Variants in DIXDC1 observed in about 807,000 individuals in gnomAD.
DIXDC1 encodes dixin.
Under a neutral mutation model 103.1 loss-of-function variants are expected in DIXDC1, and 64 were observed. That is an observed-to-expected ratio of 0.62 (90% confidence interval 0.51 to 0.76). The LOEUF is 0.76. DIXDC1 is among the 30% of genes least tolerant of loss of function. The pLI, the probability that DIXDC1 is intolerant of heterozygous loss-of-function variation, is 0.00. For missense variants in DIXDC1, 759 were observed against 834.2 expected (o/e 0.91, Z 1.11); for synonymous variants, 266 against 298.5 (o/e 0.89, Z 1.12).
intron 5 of DIXDC1, chr11:111,975,330 G>C (rs1485725524): frequency 8.9e-7 from 1 of 1,122,248 alleles, no homozygotes; most frequent in Admixed American, 4.1e-5. Context: ...GTTCCATTGT[G>C]CTGTCCTTGA....
Position 111,971,816 on chromosome 11 carries a change from G to A in DIXDC1, c.317-2207G>A, listed in dbSNP as rs188118929. On this transcript the variant is annotated intron_variant, in intron 3 of 19. Transcript: ENST00000440460. ...AAAAAAAAAATTCATGTCCTTTGCT[G>A]CAACATGGATGCAGCTGGAGACCAT... Among the ~76,000 whole-genome samples the A allele has an allele frequency of 5.5e-3, 838 of 152,110 alleles. 3 individuals are homozygous for A. Among genetic ancestry groups the A allele is most frequent in the Non-Finnish European group, 7.8e-3 (532 of 68,004 alleles).
chr11:111,991,407 T>A (rs587696171), intron 10 of DIXDC1, among the ~76,000 whole-genome samples: 1 of 152,366 alleles, frequency 6.6e-6, no homozygotes, highest in South Asian at 2.1e-4. Context: ...GAAATATTCC[T>A]TTGAACTACT....
chr11:111,970,639 G>A (rs1555171972), intron 3 of DIXDC1, among the ~76,000 whole-genome samples: 1 of 148,908 alleles, frequency 6.7e-6, no homozygotes, highest in Admixed American at 6.7e-5. Flanking sequence ...TCCAGCCTGG[G>A]CAACAGAGCG....
upstream of DIXDC1, chr11:111,937,141 G>GGGGTT: frequency 1.7e-5 from 13 of 751,962 alleles, no homozygotes; most frequent in Non-Finnish European, 1.9e-5. Flanking sequence ...CGGGGGGGGG[G>GGGGTT]TGTGCGCGTG....
chr11:111,997,297 C>T (rs1555175482), intron 17 of DIXDC1, among the ~76,000 whole-genome samples: 1 of 152,098 alleles, frequency 6.6e-6, no homozygotes, highest in East Asian at 1.9e-4. Flanking sequence ...ATCTTTTCCT[C>T]TTGGATGAGG....
intron 2 of DIXDC1, among the ~76,000 whole-genome samples, chr11:111,966,206 G>A (rs1456019689): frequency 1.4e-5 from 2 of 140,932 alleles, no homozygotes; most frequent in African/African-American, 2.7e-5. Flanking sequence ...CAAAACCCGG[G>A]GTTTTTTTTT....
chr11:111,950,430 ATATATATATTTTTTTTT>A (rs1404677620), intron 1 of DIXDC1, among the ~76,000 whole-genome samples: 1 of 21,172 alleles, frequency 4.7e-5, no homozygotes, highest in African/African-American at 2.9e-4. Flanking sequence ...ATATATATAT[ATATATATATTTTTTTTT>A]TTTTTTTTTT....
chr11:111,932,927 C>T (rs1234720125), upstream of DIXDC1, among the ~76,000 whole-genome samples: 1 of 152,128 alleles, frequency 6.6e-6, no homozygotes, highest in Non-Finnish European at 1.5e-5. Context: ...CATATAATGA[C>T]TCATAAGAGG....
rs973597921 is a variant in DIXDC1 at position 111,998,786 on chromosome 11, G to A, written c.1756+2640G>A. Among the ~76,000 whole-genome samples, 26 of 152,138 alleles carry A rather than the reference G, an allele frequency of 1.7e-4. No individual in the cohort carries two copies. Among genetic ancestry groups the A allele is most frequent in the African/African-American group, 5.1e-4 (21 of 41,490 alleles). On this transcript the variant is annotated intron_variant, in intron 17 of 19. Coordinates refer to ENST00000440460, the MANE Select transcript of DIXDC1 (RefSeq NM_001037954.4). The surrounding 1 kb of genome is among the most constrained non-coding windows in gnomAD (Gnocchi z 4.1). Reference sequence around the variant, plus strand: ...TGAGCTCAGGCAATCCACCCACCCCGGCCTCCCAAAGTGCTGGGATTACAG... The same window carrying A: ...TGAGCTCAGGCAATCCACCCACCCCAGCCTCCCAAAGTGCTGGGATTACAG...
chr11:111,938,186 G>C (rs1461037498), intron 1 of DIXDC1, among the ~76,000 whole-genome samples: 1 of 152,182 alleles, frequency 6.6e-6, no homozygotes, highest in Admixed American at 6.5e-5. Flanking sequence ...GAGGAACTGG[G>C]GCCTCACTCT....
intron 17 of DIXDC1, among the ~76,000 whole-genome samples, chr11:112,009,903 A>G (rs1295004276): frequency 1.3e-5 from 2 of 152,212 alleles, no homozygotes; most frequent in African/African-American, 2.4e-5. Context: ...CTGGCACAAG[A>G]CAGGGATGCC....
rs1860101307 is a variant in DIXDC1, at chr11:111,976,534, A to C, written c.656+1551A>C. ...CTGGGTTAGTAGCTGCCTTTTCCTC[A>C]GTGAGTCCCTGGGGAAGGAGAGGGC... On this transcript the variant is annotated intron_variant, in intron 5 of 19. Coordinates refer to ENST00000440460, the MANE Select transcript of DIXDC1 (RefSeq NM_001037954.4). The surrounding 1 kb of genome is among the most constrained non-coding windows in gnomAD (Gnocchi z 4.3). Among the ~76,000 whole-genome samples the C allele has an allele frequency of 6.6e-6, 1 of 152,082 alleles. No homozygotes were observed. The highest frequency in any genetic ancestry group is 1.5e-5 in the Non-Finnish European group (1 of 68,016).
intron 17 of DIXDC1, 184 bp downstream of exon 17, chr11:111,996,330 C>A (rs587723897): frequency 2.0e-6 from 1 of 496,620 alleles, no homozygotes; most frequent in African/African-American, 2.0e-5. Flanking sequence ...CCATCACCAC[C>A]CCCAGTGCCA....
intron 14 of DIXDC1, among the ~76,000 whole-genome samples, chr11:111,994,262 C>T (rs1375187851): frequency 6.6e-6 from 1 of 152,048 alleles, no homozygotes; most frequent in East Asian, 1.9e-4. Context: ...GTGGTGGATG[C>T]CTGTAGTCCC....
At chr11:111,964,390 A>G (rs1050933763) in intron 1 of DIXDC1, among the ~76,000 whole-genome samples, 159 bp from the exon 2 acceptor site, 6 of 152,352 alleles carry the variant, frequency 3.9e-5, no homozygotes, top group Middle Eastern at 3.4e-3. Context: ...GTGTCTGACC[A>G]TGATATAATC....
At chr11:111,961,047 C>CT (rs1323262028) in intron 1 of DIXDC1, among the ~76,000 whole-genome samples, 10 of 152,204 alleles carry the variant, frequency 6.6e-5, no homozygotes, top group African/African-American at 2.4e-4. Context: ...GCTTCTCATG[C>CT]TTTCATGTGC....
At chr11:111,988,728 G>A (rs1416690690) in intron 9 of DIXDC1, among the ~76,000 whole-genome samples, 1 of 152,166 alleles carries the variant, frequency 6.6e-6, no homozygotes, top group Non-Finnish European at 1.5e-5. Flanking sequence ...AGAAATGAGA[G>A]CCTATGGGAA....
intron 5 of DIXDC1, 32 bp from the exon 6 acceptor site, chr11:111,980,705 A>T: frequency 6.4e-7 from 1 of 1,561,514 alleles, no homozygotes; most frequent in Non-Finnish European, 8.8e-7. Flanking sequence ...TCTTCATAAT[A>T]ATCGTTTTTC....
chr11:111,966,264 C>T (rs1328576785), intron 2 of DIXDC1, among the ~76,000 whole-genome samples: 1 of 113,220 alleles, frequency 8.8e-6, no homozygotes. Flanking sequence ...TGCTCTGTTG[C>T]CAGGCTGGAG....
Sources: gnomAD v4.1 joint callset for allele counts (sites outside exome capture counted in the v4.1 genomes callset) on GRCh38, gnomAD v4.1.1 for gene constraint, Gnocchi (gnomAD v3.1) non-coding constraint, MANE v1.5 for transcripts, NCBI Gene and HGNC (gene_info 2026-07-23, HGNC 2026-07-21) for gene names.